The following PDIA6 variants were observed in gnomAD, a reference collection of about 807,000 sequenced individuals.
The protein encoded by PDIA6 is protein disulfide isomerase family A member 6.
A neutral mutation model predicts 58.4 loss-of-function variants in PDIA6; 29 were observed. The observed-to-expected ratio is 0.50, with a 90% CI of 0.37 to 0.68. The LOEUF is 0.68. Among genes scored for constraint, PDIA6 ranks in the 30% least tolerant of loss-of-function variants. The pLI is 0.00. For missense variants in PDIA6, 480 were observed against 551.0 expected (o/e 0.87, Z 1.29); for synonymous variants, 192 against 202.6 (o/e 0.95, Z 0.44).
At chr2:10,832,498 G>A (rs888588246), upstream of PDIA6, 6 of 938,826 alleles carry the variant, frequency 6.4e-6, no homozygotes, top group Admixed American at 1.2e-4. Context: ...GTAGTGACAG[G>A]AAGTGACCGC....
Position 10,785,018 on chromosome 2 carries a change from AAAAG to A in PDIA6, c.1166_1169del (p.Ser389LeufsTer9). ...CTACAGGTGCCGTGGAGCCACGCCC[AAAAG>A]AGAGCTCCCTTAGGGAAAAATGACC... On this transcript the variant is annotated frameshift_variant, in exon 12 of 13. Transcript: ENST00000272227. LOFTEE classifies it high-confidence loss of function. 2 of 1,578,216 alleles carry A rather than the reference AAAAG, an allele frequency of 1.3e-6. No homozygotes were observed. Among genetic ancestry groups the A allele is most frequent in the Non-Finnish European group, 1.7e-6 (2 of 1,160,118 alleles).
intron 4 of PDIA6, among the ~76,000 whole-genome samples, chr2:10,793,563 C>T (rs1666134691): frequency 6.6e-6 from 1 of 152,092 alleles, no homozygotes; most frequent in Admixed American, 6.6e-5. Context: ...AGGATTTCAC[C>T]ATGTCGGCCA....
chr2:10,794,471 T>TTC (rs1666180538), intron 4 of PDIA6, among the ~76,000 whole-genome samples: 1 of 35,632 alleles, frequency 2.8e-5, no homozygotes, highest in African/African-American at 6.4e-5. Flanking sequence ...AATCTTTCTT[T>TTC]TTTTTTTTTT....
intron 1 of PDIA6, among the ~76,000 whole-genome samples, chr2:10,806,622 T>TAAAGACAG (rs1572683145): frequency 2.9e-4 from 14 of 48,724 alleles, no homozygotes; most frequent in East Asian, 5.7e-4. Context: ...TCCTAAAAAA[T>TAAAGACAG]AAAGACAGAA....
rs1446234973 is a variant in PDIA6 at position 10,784,550 on chromosome 2, C to T, written c.1255-224G>A. 12 of 485,402 alleles carry T rather than the reference C, an allele frequency of 2.5e-5. No homozygotes were observed. In the Admixed American group the frequency reaches 5.4e-4, roughly 22 times the overall value. The allele number at this position is 485,402 out of a possible 1,614,324, so 30.1% of individuals were successfully genotyped here. Reference sequence around the variant, plus strand: ...CATCACATCACTCACCATTTTAACACTGGAAGCCACTTGAACGTGTCCTTT... The same window carrying T: ...CATCACATCACTCACCATTTTAACATTGGAAGCCACTTGAACGTGTCCTTT... On this transcript the variant is annotated intron_variant, in intron 12 of 12. Transcript: ENST00000272227.
At chr2:10,821,925 T>C (rs1667405768) in intron 1 of PDIA6, among the ~76,000 whole-genome samples, 1 of 147,124 alleles carries the variant, frequency 6.8e-6, no homozygotes, top group Admixed American at 7.0e-5. Context: ...CACCCAGCCT[T>C]ATATAAACGA....
chr2:10,815,275 C>T (rs886705928), upstream of PDIA6, among the ~76,000 whole-genome samples: 10 of 152,150 alleles, frequency 6.6e-5, no homozygotes, highest in Admixed American at 2.0e-4. Flanking sequence ...CATTAACAAC[C>T]TAATTATACG....
upstream of PDIA6, chr2:10,812,812 G>A (rs1667068070): frequency 4.2e-6 from 5 of 1,190,456 alleles, no homozygotes; most frequent in Admixed American, 1.4e-4. Context: ...GTGGTCCGAG[G>A]GGCGGCCGCG....
At chr2:10,812,101 G>A (rs569895833) in intron 1 of PDIA6, among the ~76,000 whole-genome samples, 3 of 152,156 alleles carry the variant, frequency 2.0e-5, no homozygotes, top group African/African-American at 4.8e-5. Flanking sequence ...GTAGAGACGG[G>A]GTTTCGCCAT....
chr2:10,810,041 TGA>T (rs1666937239), intron 1 of PDIA6, among the ~76,000 whole-genome samples: 1 of 152,216 alleles, frequency 6.6e-6, no homozygotes, highest in African/African-American at 2.4e-5. Flanking sequence ...GCTAACATTC[TGA>T]GATACCTGTC....
Position 10,783,698 on chromosome 2 carries a change from T to C in PDIA6, c.*560A>G, listed in dbSNP as rs1558433948. ...GCCCGGTTTCCATGTAAAATCTCTG[T>C]TGTGGTGGGCATAGGTGGCACCATC... On this transcript the variant is annotated 3_prime_UTR_variant, in exon 13 of 13. Coordinates refer to ENST00000272227, the MANE Select transcript of PDIA6 (RefSeq NM_005742.4). 1 of 163,632 alleles carries C rather than the reference T, an allele frequency of 6.1e-6. No individual in the cohort carries two copies. Among genetic ancestry groups the C allele is most frequent in the East Asian group, 1.8e-4 (1 of 5,504 alleles). 10.1% of individuals were successfully genotyped at this position (163,632 alleles called of 1,614,324 possible).
upstream of PDIA6, among the ~76,000 whole-genome samples, chr2:10,813,927 A>G (rs1667111857): frequency 2.6e-5 from 4 of 151,330 alleles, no homozygotes; most frequent in South Asian, 8.4e-4. Context: ...GTTTCTCCAT[A>G]TTGGCCAGGC....
chr2:10,820,878 ATCT>A, intron 1 of PDIA6: 2 of 702,848 alleles, frequency 2.8e-6, no homozygotes, highest in Non-Finnish European at 5.2e-6. Flanking sequence ...TGCTGGGGGT[ATCT>A]TCTCTCCTCT....
intron 1 of PDIA6, among the ~76,000 whole-genome samples, chr2:10,806,866 G>A (rs115732783): frequency 0.026 from 3,990 of 152,128 alleles, 98 homozygotes; most frequent in African/African-American, 0.055. Context: ...GTAACATGCC[G>A]AACAGATTTA....
intron 2 of PDIA6, among the ~76,000 whole-genome samples, chr2:10,818,059 A>G (rs902133): frequency 0.99 from 150,175 of 152,284 alleles, 74,063 homozygotes; most frequent in East Asian, 1. Context: ...TCTGAGGTTC[A>G]GATCATAGGT....
Position 10,794,538 on chromosome 2 carries a change from C to A in PDIA6, c.347-1336G>T, listed in dbSNP as rs190535841. Among the ~76,000 whole-genome samples, 712 of 150,186 alleles carry A rather than the reference C, an allele frequency of 4.7e-3. 4 individuals carry two copies. Among genetic ancestry groups the A allele is most frequent in the African/African-American group, 0.017 (684 of 40,612 alleles). On this transcript the variant is annotated intron_variant, in intron 4 of 12. Transcript: ENST00000272227. ...TCAAGTGATCCTCCCACCTCAGCCT[C>A]CCAAAGTGCTGGGATTAGAGATCTA...
chr2:10,826,953 C>T (rs1041875767), intron 1 of PDIA6, among the ~76,000 whole-genome samples: 3 of 152,230 alleles, frequency 2.0e-5, no homozygotes, highest in Non-Finnish European at 4.4e-5. Flanking sequence ...TGTACCACCT[C>T]TTCAGGCTCT....
chr2:10,810,279 C>A, intron 1 of PDIA6: 1 of 1,534,458 alleles, frequency 6.5e-7, no homozygotes, highest in Admixed American at 2.0e-5. Context: ...AAATTTCTAA[C>A]CGAAGGGCTG....
intron 8 of PDIA6, among the ~76,000 whole-genome samples, chr2:10,789,345 CCA>C (rs999075997): frequency 1.0e-4 from 11 of 105,536 alleles, no homozygotes; most frequent in Non-Finnish European, 1.7e-4. Context: ...CTCAATTTCC[CCA>C]TATATAAAAT....
Sources: gnomAD v4.1 joint callset for allele counts (sites outside exome capture counted in the v4.1 genomes callset) on GRCh38, gnomAD v4.1.1 for gene constraint, MANE v1.5 for transcripts, NCBI Gene and HGNC (gene_info 2026-07-23, HGNC 2026-07-21) for gene names.